UGT1A6: variants seen among roughly 807,000 people sequenced by gnomAD.
UGT1A6 encodes UDP glucuronosyltransferase family 1 member A6, also known as UDP-glucuronosyltransferase 1A6.
Under a neutral mutation model 44.4 loss-of-function variants are expected in UGT1A6, and 32 were observed. The ratio of observed to expected loss-of-function variants is 0.72; its 90% CI spans 0.54 to 0.97. The LOEUF (loss-of-function observed/expected upper bound fraction) is 0.97. UGT1A6 is among the 50% of genes least tolerant of loss of function. The pLI is 0.00. For missense variants in UGT1A6, 685 were observed against 661.9 expected, an observed-to-expected ratio of 1.03 and a Z score of -0.38; for synonymous variants, 238 against 248.5, an observed-to-expected ratio of 0.96 and a Z score of 0.40.
chr2:233,745,020 A>G (rs1324116484), intron 1 of UGT1A6, among the ~76,000 whole-genome samples: 3 of 151,866 alleles, frequency 2.0e-5, no homozygotes, highest in Admixed American at 2.0e-4. Flanking sequence ...TGTAAATGCT[A>G]TGTAAATAGT....
intron 1 of UGT1A6, chr2:233,719,434 T>A: frequency 1.9e-6 from 3 of 1,613,970 alleles, no homozygotes; most frequent in Non-Finnish European, 2.5e-6. Flanking sequence ...TCAGACCACA[T>A]GACATTCCTG....
chr2:233,726,289 A>G (rs568621451), intron 1 of UGT1A6, among the ~76,000 whole-genome samples: 9 of 152,322 alleles, frequency 5.9e-5, no homozygotes, highest in African/African-American at 1.9e-4. Context: ...GGTACTTGGG[A>G]GGCTCAGGTG....
chr2:233,729,180 T>C (rs373402763), intron 1 of UGT1A6: 150 of 1,613,780 alleles, frequency 9.3e-5, no homozygotes, highest in Middle Eastern at 1.7e-4. Flanking sequence ...GACTGCTGCT[T>C]CTCCTCAGTG....
intron 1 of UGT1A6, among the ~76,000 whole-genome samples, chr2:233,697,142 G>T (rs537763582): frequency 1.3e-5 from 2 of 152,092 alleles, no homozygotes; most frequent in East Asian, 3.9e-4. Flanking sequence ...GTAATAGTTT[G>T]AGTGGAACTG....
In UGT1A6 at chr2:233,741,128, AAC is replaced by A. The variant is rs200537082; in HGVS notation, c.862-25903_862-25902del. The stretch of plus-strand genomic sequence containing the variant: ...TCAAGCTTTACACTTCTATAAAAGC[AAC>A]ACTTTCCATTTATGACAGCACTAAT... On this transcript the variant is annotated intron_variant, in intron 1 of 4. Coordinates refer to ENST00000305139, the MANE Select transcript of UGT1A6 (RefSeq NM_001072.4). Among the ~76,000 whole-genome samples, 1,292 of 152,018 alleles carry A rather than the reference AAC, an allele frequency of 8.5e-3. 44 individuals carry two copies. The highest frequency in any genetic ancestry group is 0.053 in the Admixed American group (810 of 15,284).
chr2:233,725,634 A>G (rs2077463990), intron 1 of UGT1A6, among the ~76,000 whole-genome samples: 1 of 152,208 alleles, frequency 6.6e-6, no homozygotes, highest in Non-Finnish European at 1.5e-5. Flanking sequence ...TCTAGCATAT[A>G]TCTGACATTT....
chr2:233,695,863 A>G (rs933012349), intron 1 of UGT1A6, among the ~76,000 whole-genome samples: 2 of 152,224 alleles, frequency 1.3e-5, no homozygotes, highest in Non-Finnish European at 2.9e-5. Flanking sequence ...TCACTCAACA[A>G]CAAACAACGC....
chr2:233,702,215 T>C (rs1034307572), intron 1 of UGT1A6, among the ~76,000 whole-genome samples: 6 of 152,218 alleles, frequency 3.9e-5, no homozygotes, highest in Non-Finnish European at 7.4e-5. Flanking sequence ...ATCAACTTTC[T>C]GTCCTTATGA....
In UGT1A6 at chr2:233,754,989, C is replaced by G. The variant is rs749655557; in HGVS notation, c.862-12045C>G. On this transcript the variant is annotated intron_variant, in intron 1 of 4. Coordinates refer to ENST00000305139, the MANE Select transcript of UGT1A6 (RefSeq NM_001072.4). ...CTCCCTGAAGACCTCGGCGGGGTCACGGAAGCTGAAGACCTACTCGAAGGG... is the reference window on the plus strand; with the variant it reads ...CTCCCTGAAGACCTCGGCGGGGTCAGGGAAGCTGAAGACCTACTCGAAGGG... 2.3e-6 allele frequency: 3 copies of G among 1,296,678 alleles called. No individual in the cohort carries two copies. The South Asian group carries it at 3.5e-5, about 15-fold the overall frequency. The allele number at this position is 1,296,678 out of a possible 1,614,324, so 80.3% of individuals were successfully genotyped here. A position where few individuals can be genotyped will look rare whatever the true frequency, so the allele number is the denominator to read the frequency against.
chr2:233,762,967 G>A (rs568860226), intron 1 of UGT1A6, among the ~76,000 whole-genome samples: 7 of 152,218 alleles, frequency 4.6e-5, no homozygotes, highest in Admixed American at 6.5e-5. Context: ...AAAGATGCCC[G>A]TCTTGCTGCT....
chr2:233,730,512 T>C (rs1468182310), intron 1 of UGT1A6, among the ~76,000 whole-genome samples: 3 of 152,116 alleles, frequency 2.0e-5, no homozygotes, highest in Non-Finnish European at 4.4e-5. Flanking sequence ...GTTGACTCAG[T>C]GGAAGTGGGG....
chr2:233,738,734 C>G (rs1273987564), intron 1 of UGT1A6, among the ~76,000 whole-genome samples: 1 of 152,148 alleles, frequency 6.6e-6, no homozygotes, highest in Non-Finnish European at 1.5e-5. Context: ...AAATTTGCAG[C>G]CTGACCATGT....
chr2:233,748,156 T>G, intron 1 of UGT1A6: 1 of 1,601,882 alleles, frequency 6.2e-7, no homozygotes, highest in Non-Finnish European at 8.5e-7. Flanking sequence ...TACAATTGCT[T>G]CCATATCTAC....
In UGT1A6 at chr2:233,712,940, C is replaced by T. The variant is rs367897859; in HGVS notation, c.861+19075C>T. 1.2e-4 allele frequency: 197 copies of T among 1,612,272 alleles called. 1 individual carries two copies. Among genetic ancestry groups the T allele is most frequent in the Admixed American group, 2.3e-4 (14 of 59,994 alleles). ...GGTAATTAAGACGAAGGAAACAATTCTAGGAGGCACAACGTGGGGTGGACA... is the reference window on the plus strand; with the variant it reads ...GGTAATTAAGACGAAGGAAACAATTTTAGGAGGCACAACGTGGGGTGGACA... On this transcript the variant is annotated intron_variant, in intron 1 of 4. Transcript: ENST00000305139.
intron 1 of UGT1A6, among the ~76,000 whole-genome samples, chr2:233,712,452 G>C (rs1320297061): frequency 1.3e-5 from 2 of 152,216 alleles, no homozygotes; most frequent in African/African-American, 2.4e-5. Flanking sequence ...ACCAAAACCA[G>C]ATAGCCAGCC....
At chr2:233,751,873 T>C (rs1694839350) in intron 1 of UGT1A6, among the ~76,000 whole-genome samples, 1 of 152,168 alleles carries the variant, frequency 6.6e-6, no homozygotes, top group African/African-American at 2.4e-5. Flanking sequence ...AATTACCCCG[T>C]CTTGGGTATG....
chr2:233,698,796 G>A (rs896772598), intron 1 of UGT1A6, among the ~76,000 whole-genome samples: 75 of 152,280 alleles, frequency 4.9e-4, no homozygotes, highest in African/African-American at 1.7e-3. Context: ...GTAACCTCTG[G>A]GCTCCCAGCC....
chr2:233,711,473 A>G (rs1385646486), intron 1 of UGT1A6, among the ~76,000 whole-genome samples: 1 of 152,182 alleles, frequency 6.6e-6, no homozygotes, highest in Non-Finnish European at 1.5e-5. Flanking sequence ...TCAGAGGCTG[A>G]GATGTTGCAC....
intron 1 of UGT1A6, among the ~76,000 whole-genome samples, chr2:233,737,339 C>T (rs1412051076): frequency 6.6e-6 from 1 of 152,240 alleles, no homozygotes; most frequent in Non-Finnish European, 1.5e-5. Context: ...GAGCAAGGCT[C>T]CGTGGGCATG....
Sources: allele counts gnomAD v4.1 joint callset (sites outside exome capture counted in the v4.1 genomes callset), GRCh38; gene constraint gnomAD v4.1.1; transcripts MANE v1.5; gene names NCBI Gene and HGNC (gene_info 2026-07-23, HGNC 2026-07-21).